Variants in NKAIN2 observed in about 807,000 individuals in gnomAD.
NKAIN2 encodes sodium/potassium transporting ATPase interacting 2, also known as sodium/potassium-transporting ATPase subunit beta-1-interacting protein 2.
NKAIN2 carries 14 observed loss-of-function variants against 32.6 expected under a neutral mutation model. That is an observed-to-expected ratio of 0.43 (90% confidence interval 0.28 to 0.67). NKAIN2 has a LOEUF of 0.67. NKAIN2 is among the 30% of genes least tolerant of loss of function. The pLI is 0.17. For missense variants in NKAIN2, 198 were observed against 258.3 expected (o/e 0.77, Z 1.60); for synonymous variants, 80 against 87.2 (o/e 0.92, Z 0.46).
intron 4 of NKAIN2, among the ~76,000 whole-genome samples, chr6:124,669,855 A>G (rs1773010141): frequency 6.6e-6 from 1 of 151,756 alleles, no homozygotes; most frequent in South Asian, 2.1e-4. Flanking sequence ...TATTCCATTT[A>G]TCTGTTTCCT....
chr6:124,581,015 C>T (rs1486551230), intron 3 of NKAIN2, among the ~76,000 whole-genome samples: 2 of 152,188 alleles, frequency 1.3e-5, no homozygotes, highest in South Asian at 2.1e-4. Flanking sequence ...GCACACAACA[C>T]TGGAGCACCC....
intron 1 of NKAIN2, among the ~76,000 whole-genome samples, chr6:123,923,947 T>A (rs991796): frequency 0.98 from 148,611 of 151,210 alleles, 73,007 homozygotes; most frequent in East Asian, 1. Context: ...ATAATAATAA[T>A]AAAAATAAAA....
intron 1 of NKAIN2, among the ~76,000 whole-genome samples, chr6:123,877,442 C>G (rs1773218852): frequency 6.6e-6 from 1 of 152,136 alleles, no homozygotes; most frequent in African/African-American, 2.4e-5. Flanking sequence ...ACATATTCAT[C>G]TGTAATTGGA....
At chr6:124,721,131 C>T (rs577371367) in intron 4 of NKAIN2, among the ~76,000 whole-genome samples, 1 of 152,076 alleles carries the variant, frequency 6.6e-6, no homozygotes, top group African/African-American at 2.4e-5. Context: ...AAATATGAAA[C>T]GTTGGCCGGG....
At chr6:124,223,493 CTG>C (rs1465702571) in intron 1 of NKAIN2, among the ~76,000 whole-genome samples, 1 of 152,044 alleles carries the variant, frequency 6.6e-6, no homozygotes, top group East Asian at 1.9e-4. Context: ...TTCCTGGACT[CTG>C]TTTTTGTTCT....
intron 1 of NKAIN2, among the ~76,000 whole-genome samples, chr6:124,032,269 G>A (rs1335129015): frequency 8.5e-6 from 1 of 117,512 alleles, no homozygotes; most frequent in Admixed American, 1.0e-4. Context: ...CGTGGGGTGG[G>A]GGGAGGGGGG....
At chr6:124,256,215 A>C (rs1582936093) in intron 1 of NKAIN2, among the ~76,000 whole-genome samples, 2 of 152,198 alleles carry the variant, frequency 1.3e-5, no homozygotes, top group East Asian at 3.9e-4. Context: ...CCAAAAGGTC[A>C]TCACCCACAG....
At chr6:124,783,553 A>G (rs1337858) in intron 4 of NKAIN2, among the ~76,000 whole-genome samples, 138,882 of 152,180 alleles carry the variant, frequency 0.91, 63,914 homozygotes, top group East Asian at 1. Context: ...GTGTTATTGC[A>G]GGTTGATAAC....
At chr6:124,732,945 GATAA>G (rs1399178035) in intron 4 of NKAIN2, among the ~76,000 whole-genome samples, 2 of 151,778 alleles carry the variant, frequency 1.3e-5, no homozygotes, top group Non-Finnish European at 2.9e-5. Flanking sequence ...TAGGTGAATG[GATAA>G]ATAAACCGTG....
At chr6:123,912,937 A>G (rs191989195) in intron 1 of NKAIN2, among the ~76,000 whole-genome samples, 13 of 152,330 alleles carry the variant, frequency 8.5e-5, no homozygotes, top group Non-Finnish European at 1.9e-4. Context: ...CTTAGTAAAA[A>G]GGTTATGTTC....
At chr6:123,867,528 A>G (rs1325054122) in intron 1 of NKAIN2, among the ~76,000 whole-genome samples, 1 of 152,236 alleles carries the variant, frequency 6.6e-6, no homozygotes, top group East Asian at 1.9e-4. Flanking sequence ...TATTTACTTC[A>G]CAATATTGTT....
chr6:124,696,996 C>T (rs932953222), intron 4 of NKAIN2, among the ~76,000 whole-genome samples: 1 of 152,106 alleles, frequency 6.6e-6, no homozygotes, highest in African/African-American at 2.4e-5. Flanking sequence ...TATTGACTCC[C>T]TGCATGACCT....
chr6:124,110,939 T>G (rs533222346), intron 1 of NKAIN2, among the ~76,000 whole-genome samples: 1 of 152,256 alleles, frequency 6.6e-6, no homozygotes, highest in East Asian at 1.9e-4. Flanking sequence ...TTTCATATTT[T>G]AAATATTTGG....
Position 123,924,186 on chromosome 6 carries a change from A to G in NKAIN2, c.54+119932A>G, listed in dbSNP as rs150304075. Among the ~76,000 whole-genome samples, 703 of 152,324 alleles carry G rather than the reference A, an allele frequency of 4.6e-3. 4 individuals carry two copies. Among genetic ancestry groups the G allele is most frequent in the African/African-American group, 0.016 (661 of 41,580 alleles). ...AATTATTTAGCCTATTGGGTAGGTG[A>G]TATCACTTCTGAGGACAGTCTGAAA... On this transcript the variant is annotated intron_variant, in intron 1 of 6. Transcript: ENST00000368417.
chr6:124,092,064 A>G lies in NKAIN2; in HGVS notation c.55-190941A>G, dbSNP rs1289559409. 2.0e-5 allele frequency among the ~76,000 whole-genome samples: 3 copies of G among 152,018 alleles called. No homozygotes were observed. The South Asian group carries it at 6.2e-4, about 31-fold the overall frequency. Reference sequence around the variant, plus strand: ...CTTTTTACATAGTTTAATGTTCTCCATGTTAGTATGCCATATGCCCTTTCA... The same window carrying G: ...CTTTTTACATAGTTTAATGTTCTCCGTGTTAGTATGCCATATGCCCTTTCA... On this transcript the variant is annotated intron_variant, in intron 1 of 6. Coordinates refer to ENST00000368417, the MANE Select transcript of NKAIN2 (RefSeq NM_001040214.3).
At chr6:124,794,747 A>T in intron 5 of NKAIN2, 1 of 244,764 alleles carries the variant, frequency 4.1e-6, no homozygotes, top group Non-Finnish European at 6.5e-6. Flanking sequence ...ATTTACTTGT[A>T]GTCATTCACA....
At chr6:123,859,451 C>T (rs909738604) in intron 1 of NKAIN2, among the ~76,000 whole-genome samples, 2 of 151,836 alleles carry the variant, frequency 1.3e-5, no homozygotes, top group Non-Finnish European at 2.9e-5. Context: ...ATAGACACAC[C>T]GAGAATACAT....
chr6:124,413,023 A>G (rs1370301582), intron 3 of NKAIN2, among the ~76,000 whole-genome samples: 2 of 152,096 alleles, frequency 1.3e-5, no homozygotes, highest in Non-Finnish European at 2.9e-5. Context: ...CCCGTTGGAA[A>G]AGTGCAGTAT....
intron 1 of NKAIN2, among the ~76,000 whole-genome samples, chr6:124,113,444 A>G (rs1219373629): frequency 6.6e-6 from 1 of 152,026 alleles, no homozygotes; most frequent in Non-Finnish European, 1.5e-5. Flanking sequence ...CTGAAAAAAA[A>G]TTGGGATTTT....
Sources: gnomAD v4.1 joint callset for allele counts (sites outside exome capture counted in the v4.1 genomes callset) on GRCh38, gnomAD v4.1.1 for gene constraint, MANE v1.5 for transcripts, NCBI Gene and HGNC (gene_info 2026-07-23, HGNC 2026-07-21) for gene names.